COMMD7: variants seen among roughly 807,000 people sequenced by gnomAD.
COMMD7 encodes the protein COMM domain-containing protein 7.
Under a neutral mutation model 34.8 loss-of-function variants are expected in COMMD7, and 28 were observed. The observed-to-expected ratio is 0.80, with a 90% CI of 0.60 to 1.10. The LOEUF (loss-of-function observed/expected upper bound fraction) is 1.10. COMMD7 is among the 50% of genes least tolerant of loss of function. The probability of loss-of-function intolerance (pLI) is 0.00; values close to 1 mark genes in which losing one functional copy is unlikely to be tolerated. For synonymous variants in COMMD7, 80 were observed against 86.4 expected (o/e 0.93, Z 0.41); for missense variants, 211 against 241.6 (o/e 0.87, Z 0.84).
chr20:32,723,079 T>TGCA (rs1156533738), intron 3 of COMMD7, among the ~76,000 whole-genome samples: 65 of 57,080 alleles, frequency 1.1e-3, no homozygotes, highest in East Asian at 1.8e-3. Flanking sequence ...CTTGTGATCC[T>TGCA]CTCCCTCTCC....
chr20:32,705,475 G>A (rs1163423072), intron 5 of COMMD7, among the ~76,000 whole-genome samples: 2 of 151,300 alleles, frequency 1.3e-5, no homozygotes, highest in Non-Finnish European at 2.9e-5. Flanking sequence ...CTGGGTTCAC[G>A]CCACTCTCCT....
Position 32,704,899 on chromosome 20 carries a change from C to T in COMMD7, c.342G>A (p.Lys114=). 1 of 1,612,848 alleles carries T rather than the reference C, an allele frequency of 6.2e-7. No homozygotes were observed. Residue 114 remains lysine (K), a synonymous_variant, in exon 6 of 9, where the codon AAG becomes AAA. Transcript: ENST00000278980. ...ATCGAGCAAGGGTGGGAGCATTCTG[C>T]TTCCACTGGAACAAAAGCAAAAGAC... ...EKATYFSEKW[K]QNAPTLARWA... is the part of the protein sequence containing the mutation.
intron 3 of COMMD7, among the ~76,000 whole-genome samples, chr20:32,718,846 G>A (rs748115467): frequency 6.6e-6 from 1 of 151,894 alleles, no homozygotes; most frequent in African/African-American, 2.4e-5. Flanking sequence ...GGTTAAGCAA[G>A]TTTCTTTACT....
chr20:32,721,250 C>T (rs1373698355), intron 3 of COMMD7, among the ~76,000 whole-genome samples: 1 of 151,732 alleles, frequency 6.6e-6, no homozygotes, highest in Non-Finnish European at 1.5e-5. Context: ...GGCAGGAGGA[C>T]TGCTTGGGCC....
chr20:32,730,486 C>T (rs892430579), intron 1 of COMMD7, among the ~76,000 whole-genome samples: 3 of 151,876 alleles, frequency 2.0e-5, no homozygotes, highest in East Asian at 1.9e-4. Flanking sequence ...ACCTGGGAGG[C>T]GGAGGTTGCA....
intron 3 of COMMD7, among the ~76,000 whole-genome samples, chr20:32,718,032 C>T (rs1342484143): frequency 1.9e-4 from 29 of 150,342 alleles, no homozygotes; most frequent in East Asian, 1.6e-3. Context: ...GAGGTTGCAG[C>T]GAGCCGAGAT....
intron 1 of COMMD7, 28 bp from the exon 2 acceptor site, chr20:32,728,170 G>A (rs1348220442): frequency 1.2e-6 from 2 of 1,612,438 alleles, no homozygotes; most frequent in Non-Finnish European, 1.7e-6. Context: ...CAGAACATCA[G>A]TACAATTTCT....
chr20:32,731,419 C>G (rs1985831597), intron 1 of COMMD7, among the ~76,000 whole-genome samples: 1 of 152,138 alleles, frequency 6.6e-6, no homozygotes, highest in South Asian at 2.1e-4. Flanking sequence ...TTGCTTGAGC[C>G]CAGGAGCTTG....
intron 3 of COMMD7, among the ~76,000 whole-genome samples, chr20:32,717,380 C>T (rs1984861495): frequency 6.7e-6 from 1 of 149,676 alleles, no homozygotes; most frequent in Non-Finnish European, 1.5e-5. Context: ...GGCTGGAGTG[C>T]AGTGGTGTAA....
At chr20:32,743,108 C>A (rs975913289) in intron 1 of COMMD7, among the ~76,000 whole-genome samples, 200 bp downstream of exon 1, 1 of 152,088 alleles carries the variant, frequency 6.6e-6, no homozygotes, top group Non-Finnish European at 1.5e-5. Flanking sequence ...CCGGAGATCC[C>A]TTGGCTCCCC....
At chr20:32,717,916 C>A (rs1320349254) in intron 3 of COMMD7, among the ~76,000 whole-genome samples, 1 of 151,522 alleles carries the variant, frequency 6.6e-6, no homozygotes, top group Non-Finnish European at 1.5e-5. Flanking sequence ...AAAACCCCCT[C>A]TTGACCAAAA....
chr20:32,727,834 G>T, intron 3 of COMMD7, 59 bp downstream of exon 3: 1 of 1,356,834 alleles, frequency 7.4e-7, no homozygotes. Context: ...TGACTCCATG[G>T]ACTAAAGGAA....
chr20:32,737,500 C>T (rs1036972452), intron 1 of COMMD7, among the ~76,000 whole-genome samples: 3 of 151,790 alleles, frequency 2.0e-5, no homozygotes, highest in Non-Finnish European at 4.4e-5. Flanking sequence ...GAATGAGACC[C>T]TGTCTCAAAT....
At chr20:32,705,336 A>G (rs1203068637) in intron 5 of COMMD7, among the ~76,000 whole-genome samples, 3 of 147,394 alleles carry the variant, frequency 2.0e-5, no homozygotes, top group African/African-American at 7.6e-5. Flanking sequence ...ATACATATAT[A>G]TGTATATATA....
At chr20:32,709,456 C>T (rs1036071623) in intron 3 of COMMD7, among the ~76,000 whole-genome samples, 4 of 151,522 alleles carry the variant, frequency 2.6e-5, no homozygotes, top group African/African-American at 9.7e-5. Context: ...GAGGGTGAGG[C>T]AGGAGAATCA....
At chr20:32,725,929 G>T (rs1985480064) in intron 3 of COMMD7, among the ~76,000 whole-genome samples, 1 of 151,594 alleles carries the variant, frequency 6.6e-6, no homozygotes, top group African/African-American at 2.4e-5. Context: ...CAGGCATGGT[G>T]GTGCATGTCT....
chr20:32,717,851 T>C (rs539352359), intron 3 of COMMD7, among the ~76,000 whole-genome samples: 22 of 151,944 alleles, frequency 1.4e-4, no homozygotes, highest in Admixed American at 1.1e-3. Context: ...CAGTGGCTCA[T>C]GCTTGTAATC....
chr20:32,743,203 C>T, intron 1 of COMMD7, 105 bp downstream of exon 1: 1 of 970,670 alleles, frequency 1.0e-6, no homozygotes, highest in Non-Finnish European at 1.5e-6. Context: ...GCCGCTCTGT[C>T]TAGTCTCTCC....
In COMMD7 at chr20:32,703,471, A is replaced by AATTCAGCTTCAGAT. The variant is rs1285623525; in HGVS notation, c.527-27_527-14dup. 2.5e-6 allele frequency: 4 copies of AATTCAGCTTCAGAT among 1,610,162 alleles called. No homozygotes were observed. In the Admixed American group the frequency reaches 6.8e-5, roughly 27 times the overall value. ...GGCAAGGTTAATTCTGGGGAGAGAA[A>AATTCAGCTTCAGAT]ATTCAGCTTCAGATAAATGTTTCCA... On this transcript the variant is annotated splice_polypyrimidine_tract_variant and intron_variant, in intron 8 of 8. Transcript: ENST00000278980.
Sources: allele counts gnomAD v4.1 joint callset (sites outside exome capture counted in the v4.1 genomes callset), GRCh38; gene constraint gnomAD v4.1.1; transcripts MANE v1.5; gene names NCBI Gene and HGNC (gene_info 2026-07-23, HGNC 2026-07-21).